The following ZNF407 variants were observed in gnomAD, a reference collection of about 807,000 sequenced individuals.
ZNF407 encodes the protein zinc finger protein 407.
ZNF407 carries 17 observed loss-of-function variants against 131.2 expected under a neutral mutation model. The ratio of observed to expected loss-of-function variants is 0.13; its 90% confidence interval spans 0.09 to 0.19. The LOEUF (loss-of-function observed/expected upper bound fraction) is 0.19. Ranked by LOEUF, ZNF407 falls within the 10% of genes least tolerant of loss-of-function variation. The pLI is 1.00. For synonymous variants in ZNF407, 1,156 were observed against 1,062.0 expected (o/e 1.09, Z -1.72); for missense variants, 2,681 against 2,830.6 (o/e 0.95, Z 1.20).
rs560612918 is a variant in ZNF407, at chr18:74,716,191, C to CT, written c.4803-65237_4803-65236insT. 6.2e-4 allele frequency among the ~76,000 whole-genome samples: 94 copies of CT among 152,270 alleles called. 2 individuals are homozygous for CT. In the South Asian group the frequency reaches 0.018, roughly 30 times the overall value. On this transcript the variant is annotated intron_variant, in intron 3 of 8. Coordinates refer to ENST00000299687, the MANE Select transcript of ZNF407 (RefSeq NM_017757.3). Reference sequence around the variant, plus strand: ...TCTTGAGAGGTGATGCTGCTACATTCGTGAGGTTTTGATAGCTGAGAAGTT... The same window carrying CT: ...TCTTGAGAGGTGATGCTGCTACATTCTGTGAGGTTTTGATAGCTGAGAAGTT...
chr18:74,641,614 CTG>C (rs1469810632), intron 3 of ZNF407, among the ~76,000 whole-genome samples: 1 of 152,106 alleles, frequency 6.6e-6, no homozygotes, highest in African/African-American at 2.4e-5. Flanking sequence ...CTGAAGAGAA[CTG>C]TTGTTATGCA....
At chr18:74,662,821 ACT>A (rs1433042020) in intron 3 of ZNF407, among the ~76,000 whole-genome samples, 17 of 152,206 alleles carry the variant, frequency 1.1e-4, no homozygotes, top group South Asian at 2.1e-4. Context: ...TTCAATTGTC[ACT>A]CTGTCAGTCA....
chr18:74,936,398 C>T (rs1226791868), intron 8 of ZNF407, among the ~76,000 whole-genome samples: 4 of 152,090 alleles, frequency 2.6e-5, no homozygotes, highest in African/African-American at 9.7e-5. Context: ...TGATATAGAC[C>T]CCAAATCTGA....
Position 74,818,169 on chromosome 18 carries a change from G to A in ZNF407, c.4877+36667G>A, listed in dbSNP as rs12327248. ...TGTGCTGTGCACGTTTGGTGAGTCC[G>A]CCTGTGCCCATGTCTCCCTTGTGTG... On this transcript the variant is annotated intron_variant, in intron 4 of 8. Coordinates refer to ENST00000299687, the MANE Select transcript of ZNF407 (RefSeq NM_017757.3). Among the ~76,000 whole-genome samples the A allele has an allele frequency of 1.9e-3, 292 of 152,236 alleles. 3 individuals carry two copies. Among genetic ancestry groups the A allele is most frequent in the African/African-American group, 6.7e-3 (277 of 41,546 alleles).
At chr18:74,694,025 A>G (rs1297103008) in intron 3 of ZNF407, among the ~76,000 whole-genome samples, 3 of 152,188 alleles carry the variant, frequency 2.0e-5, no homozygotes, top group East Asian at 3.8e-4. Context: ...TCAGTTGACT[A>G]AAGTATACTC....
chr18:74,852,027 A>C (rs1038856533), intron 4 of ZNF407, among the ~76,000 whole-genome samples: 1 of 152,178 alleles, frequency 6.6e-6, no homozygotes, highest in African/African-American at 2.4e-5. Flanking sequence ...TCATAGAGGC[A>C]TCTCCTGCTC....
At chr18:74,599,517 A>G (rs775984621) in intron 1 of ZNF407, among the ~76,000 whole-genome samples, 1 of 152,188 alleles carries the variant, frequency 6.6e-6, no homozygotes, top group Non-Finnish European at 1.5e-5. Context: ...ATAGACACAT[A>G]AATAAATATA....
intron 3 of ZNF407, among the ~76,000 whole-genome samples, chr18:74,779,801 T>C (rs111828345): frequency 0.02 from 3,042 of 152,244 alleles, 56 homozygotes; most frequent in Middle Eastern, 0.041. Context: ...TAAGTTCCCA[T>C]CTCTTAATTT....
chr18:75,005,361 G>A (rs1053406348), intron 8 of ZNF407, among the ~76,000 whole-genome samples: 3 of 151,806 alleles, frequency 2.0e-5, no homozygotes, highest in Admixed American at 1.3e-4. Flanking sequence ...TAGAGCTATT[G>A]TTTGGTTGAG....
At chr18:74,647,502 T>G (rs576423687) in intron 3 of ZNF407, among the ~76,000 whole-genome samples, 1 of 152,252 alleles carries the variant, frequency 6.6e-6, no homozygotes, top group South Asian at 2.1e-4. Context: ...ATCCCCACAG[T>G]AGAATATTAG....
In ZNF407 at chr18:74,634,221, G is replaced by T; in HGVS notation, c.3202G>T (p.Glu1068Ter). Residue 1068 changes from glutamate to a stop codon, truncating the protein, a stop_gained, in exon 2 of 9, where the codon GAG (glutamate) becomes TAG (stop). Coordinates refer to ENST00000299687, the MANE Select transcript of ZNF407 (RefSeq NM_017757.3). LOFTEE classifies it high-confidence loss of function. ...CGAGATGACCAGGCATGCAGCAACAGAGAAGCACAAAATGAAAAGGCAGTC... is the reference window on the plus strand; with the variant it reads ...CGAGATGACCAGGCATGCAGCAACATAGAAGCACAAAATGAAAAGGCAGTC... ...RREMTRHAAT[E>*]KHKMKRQSYL... The T allele has an allele frequency of 6.2e-7, 1 of 1,614,026 alleles. No homozygotes were observed. Among genetic ancestry groups the T allele is most frequent in the South Asian group, 1.1e-5 (1 of 91,074 alleles).
intron 4 of ZNF407, among the ~76,000 whole-genome samples, chr18:74,837,907 G>T (rs1177638457): frequency 6.6e-6 from 1 of 152,124 alleles, no homozygotes; most frequent in Non-Finnish European, 1.5e-5. Flanking sequence ...GCCCATCTTG[G>T]CCTTCCAAAG....
At chr18:74,928,604 A>G (rs953220737) in intron 8 of ZNF407, among the ~76,000 whole-genome samples, 5 of 152,230 alleles carry the variant, frequency 3.3e-5, no homozygotes, top group Non-Finnish European at 5.9e-5. Flanking sequence ...TTGATTTCTT[A>G]TAAGACCTGC....
At chr18:74,944,487 A>G (rs983631149) in intron 8 of ZNF407, among the ~76,000 whole-genome samples, 6 of 152,202 alleles carry the variant, frequency 3.9e-5, no homozygotes, top group Non-Finnish European at 8.8e-5. Flanking sequence ...ATTCTAACCT[A>G]TGCCAGTATT....
intron 8 of ZNF407, among the ~76,000 whole-genome samples, chr18:75,012,640 G>T (rs1009170096): frequency 1.3e-5 from 2 of 151,088 alleles, no homozygotes; most frequent in South Asian, 2.1e-4. Context: ...AACCCATCAC[G>T]CACCTTGGTA....
chr18:74,973,697 G>A (rs1162467509), intron 8 of ZNF407, among the ~76,000 whole-genome samples: 1 of 152,156 alleles, frequency 6.6e-6, no homozygotes, highest in Non-Finnish European at 1.5e-5. Context: ...AGTTATAGAG[G>A]CCAGAAGTCT....
At chr18:74,886,138 T>C (rs1230893210) in intron 6 of ZNF407, among the ~76,000 whole-genome samples, 1 of 152,132 alleles carries the variant, frequency 6.6e-6, no homozygotes, top group Non-Finnish European at 1.5e-5. Flanking sequence ...AAACAACCTT[T>C]TAAAAATGAG....
chr18:74,709,462 A>C lies in ZNF407; in HGVS notation c.4802+68340A>C, dbSNP rs1473557830. On this transcript the variant is annotated intron_variant, in intron 3 of 8. Coordinates refer to ENST00000299687, the MANE Select transcript of ZNF407 (RefSeq NM_017757.3). ...TGATTACTTTGACAAGTAATTTTGT[A>C]GTTACATGTTCATAATATTGATAAT... 4.6e-5 allele frequency among the ~76,000 whole-genome samples: 7 copies of C among 152,234 alleles called. No individual in the cohort carries two copies. In the East Asian group the frequency reaches 1.3e-3, roughly 29 times the overall value.
chr18:74,743,990 G>A (rs896815336), intron 3 of ZNF407, among the ~76,000 whole-genome samples: 12 of 152,190 alleles, frequency 7.9e-5, no homozygotes, highest in African/African-American at 2.9e-4. Context: ...TTATTATAAT[G>A]TACTACATAA....
Sources: gnomAD v4.1 joint callset for allele counts (sites outside exome capture counted in the v4.1 genomes callset) on GRCh38, gnomAD v4.1.1 for gene constraint, MANE v1.5 for transcripts, NCBI Gene and HGNC (gene_info 2026-07-23, HGNC 2026-07-21) for gene names.